NPDC1: variants seen among roughly 807,000 people sequenced by gnomAD.
The protein encoded by NPDC1 is neural proliferation differentiation and control protein 1.
A neutral mutation model predicts 32.5 loss-of-function variants in NPDC1; 18 were observed. That is an observed-to-expected ratio of 0.55 (90% CI 0.38 to 0.82). The LOEUF (loss-of-function observed/expected upper bound fraction) is 0.82, where lower values mean the gene tolerates loss of function less well. NPDC1 is among the 40% of genes least tolerant of loss of function. NPDC1 has a pLI of 0.00. For synonymous variants in NPDC1, 210 were observed against 184.7 expected (o/e 1.14, Z -1.11); for missense variants, 468 against 406.6 (o/e 1.15, Z -1.30).
rs780933301 is a variant in NPDC1 at position 137,040,054 on chromosome 9, G to A, written c.802C>T (p.Pro268Ser). ...GAGGAGGCCGTGTCCAGCTCCTTGG[G>A]TGGCTCTTTATGCCTGGGTGGGGGG... ...MLCLERHKEP[P>S]KELDTASSDE... Residue 268 changes from proline to serine, a missense_variant, in exon 8 of 9, where the codon CCC (proline) becomes TCC (serine). Pro to Ser is a moderately conservative substitution (Grantham distance 74, BLOSUM62 -1). Transcript: ENST00000371601. 2.6e-6 allele frequency: 2 copies of A among 778,242 alleles called. No individual in the cohort carries two copies. Among genetic ancestry groups the A allele is most frequent in the Admixed American group, 1.7e-5 (1 of 58,950 alleles). 48.2% of individuals were successfully genotyped at this position (778,242 alleles called of 1,614,324 possible).
rs145914593 is a variant in NPDC1 at position 137,040,870 on chromosome 9, G to A, written c.500C>T (p.Pro167Leu). 8.2e-4 allele frequency: 1,304 copies of A among 1,599,080 alleles called. 1 individual carries two copies. Among genetic ancestry groups the A allele is most frequent in the Non-Finnish European group, 9.4e-4 (1,108 of 1,175,836 alleles). Residue 167 changes from proline to leucine, a missense_variant, in exon 4 of 9, where the codon CCG becomes CTG. Physicochemically the swap from Pro to Leu is moderately conservative, Grantham distance 98. Transcript: ENST00000371601. The part of the protein sequence containing the change: ...TSLGSPVSSD[P>L]VHMSPLEPRG... ...GGGCTCCAGGGGCGACATGTGCACC[G>A]GGTCGGATGACACAGGGGAGCCCAG...
Position 137,046,062 on chromosome 9 carries a change from C to A in NPDC1, c.-73G>T. ...TCGGCGCGGGCTCCGGGCTCCGCGT[C>A]GGGAGCAGCGGAGGCAGCGGGGGAG... On this transcript the variant is annotated 5_prime_UTR_variant, in exon 1 of 9. Transcript: ENST00000371601. The A allele has an allele frequency of 1.8e-6, 2 of 1,135,490 alleles. No homozygotes were observed. The highest frequency in any genetic ancestry group is 4.4e-5 in the South Asian group (1 of 22,984). The allele number at this position is 1,135,490 out of a possible 1,614,324, so 70.3% of individuals were successfully genotyped here.
At chr9:137,045,087 C>A (rs1052566298) in intron 1 of NPDC1, among the ~76,000 whole-genome samples, 25 of 152,206 alleles carry the variant, frequency 1.6e-4, no homozygotes, top group Non-Finnish European at 2.1e-4. Context: ...CCAGTTCAGT[C>A]CCCCCAGAAA....
At chr9:137,043,383 C>T (rs554153684) in intron 1 of NPDC1, 215 of 703,538 alleles carry the variant, frequency 3.1e-4, no homozygotes, top group East Asian at 1.7e-3. Context: ...TGGGCAGGGC[C>T]GTGCAGCCCC....
Position 137,040,797 on chromosome 9 carries a change from C to G in NPDC1, c.556+17G>C. ...AGGGCGCCCTGCTGCCCCTGCCCACCCCCGACCAAGACCTACCAAGGGCGA... is the reference window on the plus strand; with the variant it reads ...AGGGCGCCCTGCTGCCCCTGCCCACGCCCGACCAAGACCTACCAAGGGCGA... On this transcript the variant is annotated intron_variant, in intron 4 of 8. Transcript: ENST00000371601. The G allele has an allele frequency of 6.3e-7, 1 of 1,587,346 alleles. No individual in the cohort carries two copies. Among genetic ancestry groups the G allele is most frequent in the Non-Finnish European group, 8.5e-7 (1 of 1,172,178 alleles).
chr9:137,041,453 C>T (rs143320445), intron 2 of NPDC1, among the ~76,000 whole-genome samples: 18 of 152,270 alleles, frequency 1.2e-4, no homozygotes, highest in African/African-American at 3.1e-4. Flanking sequence ...TGGGGTCTCT[C>T]GCCCCAACCC....
rs190421373 is a variant in NPDC1, at chr9:137,039,634, G to A, written c.*138C>T. 3.8e-4 allele frequency: 225 copies of A among 592,912 alleles called. No homozygotes were observed. In the East Asian group the frequency reaches 5.8e-3, roughly 15 times the overall value. The allele number at this position is 592,912 out of a possible 1,614,324, so 36.7% of individuals were successfully genotyped here. ...AAGGTTCGGGGGTCTCCCTGGCAAGGGGTCCCAGGGCCTGGAGCCCGAGGC... is the reference window on the plus strand; with the variant it reads ...AAGGTTCGGGGGTCTCCCTGGCAAGAGGTCCCAGGGCCTGGAGCCCGAGGC... On this transcript the variant is annotated 3_prime_UTR_variant, in exon 9 of 9. Coordinates refer to ENST00000371601, the MANE Select transcript of NPDC1 (RefSeq NM_015392.4).
rs1832011772 is a variant in NPDC1 at position 137,039,500 on chromosome 9, C to T, written c.*272G>A. The T allele has an allele frequency of 1.0e-5, 4 of 399,304 alleles. No homozygotes were observed. Among genetic ancestry groups the T allele is most frequent in the Admixed American group, 8.5e-5 (2 of 23,476 alleles). 24.7% of individuals were successfully genotyped at this position (399,304 alleles called of 1,614,324 possible). On this transcript the variant is annotated 3_prime_UTR_variant, in exon 9 of 9. Coordinates refer to ENST00000371601, the MANE Select transcript of NPDC1 (RefSeq NM_015392.4). ...AATGGACTTTAATTGGCTTTTGTCT[C>T]TAGAATTACCCACCCGTTCCTGCGC... is the stretch of plus-strand genomic sequence containing the variant.
At chr9:137,043,305 C>T in intron 1 of NPDC1, 1 of 718,892 alleles carries the variant, frequency 1.4e-6, no homozygotes, top group East Asian at 2.7e-5. Context: ...CCAGGGTCCA[C>T]TTCCAGGCCT....
At chr9:137,045,572 T>C (rs1554743951) in intron 1 of NPDC1, among the ~76,000 whole-genome samples, 1 of 152,042 alleles carries the variant, frequency 6.6e-6, no homozygotes, top group Non-Finnish European at 1.5e-5. Flanking sequence ...CAGAGCCAGA[T>C]GGCCGCGGCG....
rs1483561828 is a variant in NPDC1, at chr9:137,040,422, C to T, written c.723G>A (p.Arg241=). Residue 241 remains arginine, a synonymous_variant, in exon 7 of 9, where the codon CGG becomes CGA. Coordinates refer to ENST00000371601, the MANE Select transcript of NPDC1 (RefSeq NM_015392.4). ...GGTACATCTCCGCGCTCTGTGCCAG[C>T]CGCTGGTCCCCAGGCTGTGGGAAGG... ...AAPRISPGDQ[R]LAQSAEMYHY... is the part of the protein sequence containing the mutation. 2 of 1,551,498 alleles carry T rather than the reference C, an allele frequency of 1.3e-6. No individual in the cohort carries two copies. Among genetic ancestry groups the T allele is most frequent in the Non-Finnish European group, 1.7e-6 (2 of 1,148,620 alleles).
intron 2 of NPDC1, among the ~76,000 whole-genome samples, chr9:137,042,479 G>A (rs747358866): frequency 5.9e-5 from 9 of 151,418 alleles, no homozygotes; most frequent in East Asian, 1.9e-4. Flanking sequence ...GGATGGTCTC[G>A]ATCTCCTGAC....
At chr9:137,045,713 T>C (rs1486679431) in intron 1 of NPDC1, among the ~76,000 whole-genome samples, 165 bp downstream of exon 1, 3 of 151,826 alleles carry the variant, frequency 2.0e-5, no homozygotes, top group Non-Finnish European at 1.5e-5. Context: ...GCCAGGCCTG[T>C]TTATTCCATC....
In NPDC1 at chr9:137,045,955, T is replaced by G; in HGVS notation, c.35A>C (p.His12Pro). The G allele has an allele frequency of 8.4e-7, 1 of 1,192,332 alleles. No homozygotes were observed. Among genetic ancestry groups the G allele is most frequent in the Non-Finnish European group, 1.0e-6 (1 of 962,668 alleles). 73.9% of individuals were successfully genotyped at this position (1,192,332 alleles called of 1,614,324 possible). The stretch of plus-strand genomic sequence containing the variant: ...GAGCAGCAGCCGCAGCAGCCGCAGG[T>G]GCCGCGGGGAGGGCGGAGGCAGCGG... Reference protein sequence around the residue: ...ATPLPPPSPRHLRLLRLLLSG... With the variant: ...ATPLPPPSPRPLRLLRLLLSG... The change falls in exon 1 of 9, where the codon CAC becomes CCC. Residue 12 changes from histidine to proline, a missense_variant. His to Pro is a moderately conservative substitution (Grantham distance 77, BLOSUM62 -2). Transcript: ENST00000371601.
chr9:137,042,920 C>CTCG lies in NPDC1; in HGVS notation c.259+4_259+6dup. 6.3e-7 allele frequency: 1 copy of CTCG among 1,589,596 alleles called. No individual in the cohort carries two copies. The highest frequency in any genetic ancestry group is 8.6e-7 in the Non-Finnish European group (1 of 1,166,132). On this transcript the variant is annotated splice_region_variant and intron_variant, in intron 2 of 8. Transcript: ENST00000371601. ...CCCCCCATCGACTTCCCCCTTTGCTCTCGTACCTGGAGGCCGGCGCATCCT... is the reference window on the plus strand; with the variant it reads ...CCCCCCATCGACTTCCCCCTTTGCTCTCGTCGTACCTGGAGGCCGGCGCATCCT...
chr9:137,040,668 C>T lies in NPDC1; in HGVS notation c.623+3G>A. On this transcript the variant is annotated splice_donor_region_variant and intron_variant, in intron 5 of 8. Transcript: ENST00000371601. Reference sequence around the variant, plus strand: ...CCTGCCCTGCCCGCGGCCACTGGCTCACCTGCACCAGCAGAGGGAGGCTAC... The same window carrying T: ...CCTGCCCTGCCCGCGGCCACTGGCTTACCTGCACCAGCAGAGGGAGGCTAC... The T allele has an allele frequency of 6.3e-7, 1 of 1,576,558 alleles. No homozygotes were observed. The highest frequency in any genetic ancestry group is 8.6e-7 in the Non-Finnish European group (1 of 1,166,402).
rs539737219 is a variant in NPDC1, at chr9:137,039,983, C to T, written c.873G>A (p.Pro291=). Residue 291 remains proline (P), a synonymous_variant, in exon 8 of 9, where the codon CCG becomes CCA. Coordinates refer to ENST00000371601, the MANE Select transcript of NPDC1 (RefSeq NM_015392.4). ...EDGDFTVYEC[P]GLAPTGEMEV... ...CTGAGGCACTCACCGGGGCCAGGCC[C>T]GGGCACTCGTACACCGTGAAGTCTC... 18 of 779,052 alleles carry T rather than the reference C, an allele frequency of 2.3e-5. No individual in the cohort carries two copies. The highest frequency in any genetic ancestry group is 6.8e-5 in the African/African-American group (4 of 59,178). The allele number at this position is 779,052 out of a possible 1,614,324, so 48.3% of individuals were successfully genotyped here.
At chr9:137,043,153 A>T in intron 1 of NPDC1, 80 bp from the exon 2 acceptor site, 1 of 1,243,382 alleles carries the variant, frequency 8.0e-7, no homozygotes, top group East Asian at 5.3e-5. Flanking sequence ...TGCCCCAGCC[A>T]CCCGCCCCCG....
Position 137,040,357 on chromosome 9 carries a change from C to G in NPDC1, c.788G>C (p.Arg263Pro). ...TGGCAGTGCCGGGGCGGCCACTCAC[C>G]GCTCCAGGCACAGCATCTGTTGCCG... is the stretch of plus-strand genomic sequence containing the variant. Reference protein sequence around the residue: ...HQRQQMLCLERHKEPPKELDT... With the variant: ...HQRQQMLCLEPHKEPPKELDT... The change falls in exon 7 of 9, where the codon CGG becomes CCG. Residue 263 changes from arginine (R) to proline (P), a missense_variant and splice_region_variant. Physicochemically the swap from Arg to Pro is moderately radical, Grantham distance 103. Coordinates refer to ENST00000371601, the MANE Select transcript of NPDC1 (RefSeq NM_015392.4). The G allele has an allele frequency of 6.5e-7, 1 of 1,542,106 alleles. No homozygotes were observed. The highest frequency in any genetic ancestry group is 1.2e-5 in the South Asian group (1 of 83,924).
Sources: gnomAD v4.1 joint callset for allele counts (sites outside exome capture counted in the v4.1 genomes callset) on GRCh38, gnomAD v4.1.1 for gene constraint, MANE v1.5 for transcripts, NCBI Gene and HGNC (gene_info 2026-07-23, HGNC 2026-07-21) for gene names.